ISLR2: variants seen among roughly 807,000 people sequenced by gnomAD.
The protein encoded by ISLR2 is immunoglobulin superfamily containing leucine rich repeat 2.
ISLR2 carries 16 observed loss-of-function variants against 25.5 expected under a neutral mutation model. That is an observed-to-expected ratio of 0.63 (90% CI 0.43 to 0.95). The LOEUF is 0.95. Ranked by LOEUF, ISLR2 falls within the 40% of genes least tolerant of loss-of-function variation. ISLR2 has a pLI of 0.00. For synonymous variants in ISLR2, 508 were observed against 486.6 expected (o/e 1.04, Z -0.58); for missense variants, 883 against 1,030.7 (o/e 0.86, Z 1.96).
In ISLR2 at chr15:74,134,178, A is replaced by G. The variant is rs1223998836; in HGVS notation, c.1424A>G (p.Gln475Arg). 8 of 1,612,360 alleles carry G rather than the reference A, an allele frequency of 5.0e-6. No individual in the cohort carries two copies. Among genetic ancestry groups the G allele is most frequent in the South Asian group, 1.1e-5 (1 of 90,636 alleles). ...SRYVSNHAFN[Q>R]SAELKPHVFE... ...TACGTTTCTAACCACGCGTTCAACC[A>G]GAGCGCAGAGCTCAAGCCGCACGTC... The change falls in exon 3 of 3, where the codon CAG (glutamine) becomes CGG (arginine). Residue 475 changes from glutamine (Q) to arginine (R), a missense_variant. Transcript: ENST00000453268.
At chr15:74,103,891 G>C (rs1391240370) in exon 2 of ISLR2, 7 of 150,976 alleles carry the variant, frequency 4.6e-5, no homozygotes, top group African/African-American at 1.5e-4. Context: ...GCTGCCCTGT[G>C]AAGAGGTGTC....
At chr15:74,102,848 G>T (rs909640241) in intron 1 of ISLR2, among the ~76,000 whole-genome samples, 2 of 149,796 alleles carry the variant, frequency 1.3e-5, no homozygotes, top group African/African-American at 4.9e-5. Context: ...TTGCTCTGTT[G>T]TCCAGGCTGG....
downstream of ISLR2, among the ~76,000 whole-genome samples, chr15:74,137,999 T>G (rs1466930571): frequency 6.6e-6 from 1 of 152,176 alleles, no homozygotes; most frequent in Non-Finnish European, 1.5e-5. Flanking sequence ...GCTAGTTCCA[T>G]AAAAACAATG....
rs763846184 is a variant in ISLR2 at position 74,134,102 on chromosome 15, C to T, written c.1348C>T (p.Leu450Phe). 2 of 1,613,748 alleles carry T rather than the reference C, an allele frequency of 1.2e-6. No homozygotes were observed. Among genetic ancestry groups the T allele is most frequent in the South Asian group, 2.2e-5 (2 of 90,960 alleles). The change falls in exon 3 of 3, where the codon CTC becomes TTC. Residue 450 changes from leucine (L) to phenylalanine (F), a missense_variant. Physicochemically the swap from Leu to Phe is conservative, Grantham distance 22. Around this residue, in one of 2 missense-constraint regions of ISLR2, gnomAD observed 612 missense variants for 642.8 expected, o/e 0.95. Transcript: ENST00000453268. ...SEGEEAEDQILADPAEEQRCG... is the reference protein window; with the variant it reads ...SEGEEAEDQIFADPAEEQRCG... ...GGGAGAGGAGGCCGAAGACCAGATC[C>T]TCGCGGACCCGGCGGAGGAGCAGCG...
Position 74,134,045 on chromosome 15 carries a change from AC to A in ISLR2, c.1293del (p.Glu432ArgfsTer71). On this transcript the variant is annotated frameshift_variant, in exon 3 of 3. Coordinates refer to ENST00000453268, the MANE Select transcript of ISLR2 (RefSeq NM_020851.3). LOFTEE classifies it high-confidence loss of function. ...GGCCAAGGTCAGCATTCTCGGGGAG[AC>A]CGAGACGGAGCCGGAGGAGGACACA... ...GLAKVSILGE[T>X]ETEPEEDTSE... 6.2e-7 allele frequency: 1 copy of A among 1,613,632 alleles called. No individual in the cohort carries two copies. The highest frequency in any genetic ancestry group is 8.5e-7 in the Non-Finnish European group (1 of 1,179,814).
chr15:74,103,615 G>C (rs963945909), intron 1 of ISLR2, among the ~76,000 whole-genome samples: 13 of 126,602 alleles, frequency 1.0e-4, no homozygotes, highest in Non-Finnish European at 1.9e-4. Flanking sequence ...GTGAGACTCT[G>C]TCCCAAAGAA....
At chr15:74,128,822 G>T, upstream of ISLR2, 1 of 402,800 alleles carries the variant, frequency 2.5e-6, no homozygotes, top group South Asian at 1.8e-5. Context: ...CCCCCTCAGG[G>T]TTCCCAACAC....
Position 74,134,111 on chromosome 15 carries a change from C to G in ISLR2, c.1357C>G (p.Pro453Ala). ...GGCCGAAGACCAGATCCTCGCGGAC[C>G]CGGCGGAGGAGCAGCGCTGTGGCAA... is the stretch of plus-strand genomic sequence containing the variant. Reference protein sequence around the residue: ...EEAEDQILADPAEEQRCGNGD... With the variant: ...EEAEDQILADAAEEQRCGNGD... The change falls in exon 3 of 3, where the codon CCG becomes GCG. Residue 453 changes from proline (P) to alanine (A), a missense_variant. Coordinates refer to ENST00000453268, the MANE Select transcript of ISLR2 (RefSeq NM_020851.3). 1.2e-6 allele frequency: 2 copies of G among 1,613,722 alleles called. No homozygotes were observed. Among genetic ancestry groups the G allele is most frequent in the South Asian group, 1.1e-5 (1 of 90,954 alleles).
chr15:74,111,370 G>C lies in ISLR2; in HGVS notation n.228+7456G>C, dbSNP rs563554583. On this transcript the variant is annotated intron_variant and non_coding_transcript_variant, in intron 2 of 3. Coordinates refer to the ISLR2 transcript ENST00000561975. ...AGTGGCATGATCTCGGCTCACTGCA[G>C]CCTCCACCTCCTGGGTTCAAGTGAT... Among the ~76,000 whole-genome samples, 82 of 151,292 alleles carry C rather than the reference G, an allele frequency of 5.4e-4. 3 individuals are homozygous for C. The South Asian group carries it at 0.017, about 31-fold the overall frequency.
downstream of ISLR2, among the ~76,000 whole-genome samples, chr15:74,139,694 A>T (rs1202650688): frequency 6.6e-6 from 1 of 152,096 alleles, no homozygotes; most frequent in Non-Finnish European, 1.5e-5. Context: ...TGGAGGTGTA[A>T]TCTTCACCTC....
rs1005309813 is a variant in ISLR2, at chr15:74,133,620, G to T, written c.866G>T (p.Ser289Ile). ...GTAGTCTTAGAGCCACCGGTTCTGAGCGGGGAGGACGACGGGGTTGGGGCG... is the reference window on the plus strand; with the variant it reads ...GTAGTCTTAGAGCCACCGGTTCTGATCGGGGAGGACGACGGGGTTGGGGCG... ...GTVVLEPPVL[S>I]GEDDGVGAEE... is the part of the protein sequence containing the mutation. Residue 289 changes from serine (S) to isoleucine (I), a missense_variant, in exon 3 of 3, where the codon AGC becomes ATC. By Grantham distance (142) the Ser-to-Ile change is moderately radical. Coordinates refer to ENST00000453268, the MANE Select transcript of ISLR2 (RefSeq NM_020851.3). 1.9e-6 allele frequency: 3 copies of T among 1,613,962 alleles called. No individual in the cohort carries two copies. The highest frequency in any genetic ancestry group is 1.1e-5 in the South Asian group (1 of 91,066).
chr15:74,137,204 T>C (rs2072578930), downstream of ISLR2, among the ~76,000 whole-genome samples: 1 of 152,234 alleles, frequency 6.6e-6, no homozygotes, highest in East Asian at 1.9e-4. Flanking sequence ...GCCCAGTTTC[T>C]GTGTCTCCAC....
intron 1 of ISLR2, among the ~76,000 whole-genome samples, chr15:74,103,543 C>T (rs1405030232): frequency 1.6e-5 from 2 of 124,242 alleles, no homozygotes; most frequent in African/African-American, 6.8e-5. Flanking sequence ...GAGGCTGAGG[C>T]TGCAGTGAGC....
At chr15:74,118,375 G>C (rs1211608862) in intron 2 of ISLR2, among the ~76,000 whole-genome samples, 1 of 152,166 alleles carries the variant, frequency 6.6e-6, no homozygotes, top group African/African-American at 2.4e-5. Context: ...GGACCGGGGT[G>C]AAATTAAAAT....
At chr15:74,129,203 G>C (rs2072351514), upstream of ISLR2, 3 of 377,250 alleles carry the variant, frequency 8.0e-6, no homozygotes, top group African/African-American at 2.1e-5. The surrounding 1 kb of genome is among the most constrained non-coding windows in gnomAD (Gnocchi z 4.5). Context: ...CCGTAGCGAC[G>C]GCAGGAGTAG....
At chr15:74,129,071 G>A (rs753054185), upstream of ISLR2, 1 of 456,572 alleles carries the variant, frequency 2.2e-6, no homozygotes, top group Middle Eastern at 3.3e-4. This position sits in a 1 kb window ranked among gnomAD's most constrained non-coding sequence, Gnocchi z 4.5. Context: ...TTCCCTGAAA[G>A]GCGCCTTGCG....
At chr15:74,128,525 G>A (rs2072332828), upstream of ISLR2, 4 of 456,626 alleles carry the variant, frequency 8.8e-6, no homozygotes, top group Non-Finnish European at 1.8e-5. Context: ...CTCGGGCCCC[G>A]AAGTTTCGGG....
At chr15:74,107,172 C>T (rs1278534412) in intron 2 of ISLR2, among the ~76,000 whole-genome samples, 1 of 152,174 alleles carries the variant, frequency 6.6e-6, no homozygotes, top group African/African-American at 2.4e-5. Context: ...CACTGTTCAG[C>T]TGTGTCCTGG....
At position 74,136,305 on chromosome 15, in the gene ISLR2, C is replaced by T. The variant is rs974333191; in HGVS notation, c.*1313C>T. ...AGGCGGAGGAAGCTGACTGTGGCCTCCCGGGCCGCGGCTCTCTGGAGGGCT... is the reference window on the plus strand; with the variant it reads ...AGGCGGAGGAAGCTGACTGTGGCCTTCCGGGCCGCGGCTCTCTGGAGGGCT... On this transcript the variant is annotated 3_prime_UTR_variant, in exon 3 of 3. Transcript: ENST00000453268. The T allele has an allele frequency of 3.0e-5, 5 of 165,412 alleles. No individual in the cohort carries two copies. Among genetic ancestry groups the T allele is most frequent in the African/African-American group, 4.8e-5 (2 of 41,600 alleles). The allele number at this position is 165,412 out of a possible 1,614,324, so 10.2% of individuals were successfully genotyped here.
Sources: gnomAD v4.1 joint callset for allele counts (sites outside exome capture counted in the v4.1 genomes callset) on GRCh38, gnomAD v4.1.1 for gene constraint, gnomAD v4.1.1 regional missense constraint, Gnocchi (gnomAD v3.1) non-coding constraint, MANE v1.5 for transcripts, NCBI Gene and HGNC (gene_info 2026-07-23, HGNC 2026-07-21) for gene names.